CSE1L: variants seen among roughly 807,000 people sequenced by gnomAD.
CSE1L encodes the protein exportin-2.
In CSE1L, 24 loss-of-function variants were observed where a neutral mutation model predicts 120.4. That is an observed-to-expected ratio of 0.20 (90% CI 0.14 to 0.28). The LOEUF (loss-of-function observed/expected upper bound fraction) is 0.28, where lower values mean the gene tolerates loss of function less well. Ranked by LOEUF, CSE1L falls within the 10% of genes least tolerant of loss-of-function variation. The pLI, the probability that CSE1L is intolerant of heterozygous loss-of-function variation, is 1.00. For synonymous variants in CSE1L, 402 were observed against 398.3 expected (o/e 1.01, Z -0.11); for missense variants, 830 against 1,145.2 (o/e 0.72, Z 3.97).
chr20:49,051,479 A>ACAGTCC (rs1175632309), intron 1 of CSE1L, among the ~76,000 whole-genome samples: 1 of 152,066 alleles, frequency 6.6e-6, no homozygotes, highest in Non-Finnish European at 1.5e-5. Flanking sequence ...GGAGGCGGGG[A>ACAGTCC]CTGCGGTGAG....
intron 2 of CSE1L, among the ~76,000 whole-genome samples, chr20:49,062,778 A>G (rs1035200809): frequency 1.3e-4 from 20 of 151,968 alleles, no homozygotes; most frequent in African/African-American, 4.8e-4. Context: ...TAATAATAAT[A>G]TATTAGGATG....
intron 1 of CSE1L, among the ~76,000 whole-genome samples, chr20:49,052,500 G>A (rs568214042): frequency 6.6e-6 from 1 of 152,272 alleles, no homozygotes; most frequent in Admixed American, 6.5e-5. Flanking sequence ...AACTCTTGTG[G>A]CCAGTTTGTA....
chr20:49,059,527 T>G (rs1208235704), intron 2 of CSE1L, among the ~76,000 whole-genome samples: 1 of 152,148 alleles, frequency 6.6e-6, no homozygotes, highest in Non-Finnish European at 1.5e-5. Context: ...CAGTTTTGCT[T>G]GAAAAATAAG....
intron 3 of CSE1L, among the ~76,000 whole-genome samples, chr20:49,065,855 A>G (rs1330787283): frequency 2.0e-5 from 3 of 152,164 alleles, no homozygotes; most frequent in African/African-American, 7.2e-5. Flanking sequence ...TGGCCTCTCA[A>G]AGTGCTGGGA....
At position 49,094,897 on chromosome 20, in the gene CSE1L, G is replaced by A. The variant is rs1222452476; in HGVS notation, c.2760G>A (p.Met920Ile). 6.2e-7 allele frequency: 1 copy of A among 1,614,018 alleles called. No individual in the cohort carries two copies. Among genetic ancestry groups the A allele is most frequent in the African/African-American group, 1.3e-5 (1 of 74,922 alleles). ...GKKEHDPVGQ[M>I]VNNPKIHLAQ... ...AAGAGCATGATCCTGTAGGTCAAATGGTGAATAACCCCAAAATTCACCTGG... is the reference window on the plus strand; with the variant it reads ...AAGAGCATGATCCTGTAGGTCAAATAGTGAATAACCCCAAAATTCACCTGG... The change falls in exon 24 of 25, where the codon ATG (methionine) becomes ATA (isoleucine). Residue 920 changes from methionine (M) to isoleucine (I), a missense_variant. By Grantham distance (10) the Met-to-Ile change is conservative. Transcript: ENST00000262982.
chr20:49,095,206 A>G, intron 24 of CSE1L: 1 of 630,162 alleles, frequency 1.6e-6, no homozygotes, highest in Non-Finnish European at 2.9e-6. Flanking sequence ...AAATCCCTTC[A>G]ATAGAAATGT....
At chr20:49,051,386 T>C (rs2091765235) in intron 1 of CSE1L, among the ~76,000 whole-genome samples, 2 of 63,856 alleles carry the variant, frequency 3.1e-5, no homozygotes, top group African/African-American at 2.2e-4. Context: ...CTTTACTGTA[T>C]ATAAAACTCA....
At chr20:49,061,486 ATTATTTATTTAT>A (rs113315451) in intron 2 of CSE1L, among the ~76,000 whole-genome samples, 59 of 132,904 alleles carry the variant, frequency 4.4e-4, no homozygotes, top group Non-Finnish European at 8.4e-4. Flanking sequence ...AATTATTATT[ATTATTTATTTAT>A]TTATTTATTT....
chr20:49,079,702 C>T (rs539246103), intron 14 of CSE1L, among the ~76,000 whole-genome samples: 4 of 152,140 alleles, frequency 2.6e-5, no homozygotes, highest in South Asian at 2.1e-4. Context: ...TTTGGGCCTG[C>T]GGAATCCTCA....
At chr20:49,063,842 A>G (rs1490728434) in intron 3 of CSE1L, among the ~76,000 whole-genome samples, 1 of 152,250 alleles carries the variant, frequency 6.6e-6, no homozygotes, top group Non-Finnish European at 1.5e-5. Context: ...GCAGAATGCA[A>G]AATAATTTAG....
chr20:49,063,153 G>T, intron 2 of CSE1L, 49 bp from the exon 3 acceptor site: 2 of 1,204,146 alleles, frequency 1.7e-6, no homozygotes, highest in Non-Finnish European at 1.1e-6. Flanking sequence ...ATATATATAA[G>T]GTGGAAAGAT....
Position 49,076,719 on chromosome 20 carries a change from C to T in CSE1L, c.1336-261C>T, listed in dbSNP as rs903531529. ...TAATTTTTTGTGTTTTTAGTAGAGA[C>T]GGGGTTTTGCCATGTTGGCCAGGCT... On this transcript the variant is annotated intron_variant, in intron 12 of 24. Transcript: ENST00000262982. 8.0e-5 allele frequency among the ~76,000 whole-genome samples: 12 copies of T among 149,072 alleles called. 1 individual carries two copies. Among genetic ancestry groups the T allele is most frequent in the African/African-American group, 1.7e-4 (7 of 40,420 alleles).
rs146501060 is a variant in CSE1L, at chr20:49,079,593, T to C, written c.1482+971T>C. ...TTATCTTAGAGACTTTCTCACATTT[T>C]ACTTTTGGCTGATTGCACCTTGAAT... On this transcript the variant is annotated intron_variant, in intron 14 of 24. Transcript: ENST00000262982. Among the ~76,000 whole-genome samples the C allele has an allele frequency of 4.2e-3, 632 of 152,144 alleles. 2 individuals are homozygous for C. The highest frequency in any genetic ancestry group is 5.6e-3 in the Non-Finnish European group (382 of 68,012).
In CSE1L at chr20:49,065,313, A is replaced by AT. The variant is rs376073464; in HGVS notation, c.229-852dup. Among the ~76,000 whole-genome samples, 320 of 52,084 alleles carry AT rather than the reference A, an allele frequency of 6.1e-3. 28 individuals carry two copies. Among genetic ancestry groups the AT allele is most frequent in the Non-Finnish European group, 9.6e-3 (259 of 27,110 alleles). The allele number at this position is 52,084 out of a possible 152,430, so 34.2% of individuals were successfully genotyped here. A position where few individuals can be genotyped will look rare whatever the true frequency, so the allele number is the denominator to read the frequency against. ...AGTTTACATATGAAATGAAAAAAAA[A>AT]TTTTTTTTTTTTTTTTTTTTTTTTT... is the stretch of plus-strand genomic sequence containing the variant. On this transcript the variant is annotated intron_variant, in intron 3 of 24. Transcript: ENST00000262982.
chr20:49,067,011 G>A (rs1008103732), intron 5 of CSE1L, among the ~76,000 whole-genome samples, 179 bp from the exon 6 acceptor site: 19 of 121,636 alleles, frequency 1.6e-4, no homozygotes, highest in Admixed American at 4.9e-4. Flanking sequence ...CAGCCTGGGC[G>A]ACAGAGCGAG....
At chr20:49,063,032 TA>T (rs1193473962) in intron 2 of CSE1L, among the ~76,000 whole-genome samples, 169 bp from the exon 3 acceptor site, 1 of 151,774 alleles carries the variant, frequency 6.6e-6, no homozygotes, top group Non-Finnish European at 1.5e-5. Context: ...TATATAAGTT[TA>T]ATGTAACATA....
chr20:49,073,870 A>G (rs1331247225), intron 10 of CSE1L, among the ~76,000 whole-genome samples: 1 of 152,158 alleles, frequency 6.6e-6, no homozygotes, highest in East Asian at 1.9e-4. Flanking sequence ...TAAGGACAAT[A>G]TAGCGTGAGA....
At chr20:49,092,571 A>C (rs1339360430) in intron 22 of CSE1L, among the ~76,000 whole-genome samples, 1 of 150,996 alleles carries the variant, frequency 6.6e-6, no homozygotes, top group Non-Finnish European at 1.5e-5. Context: ...AAAACACCAC[A>C]TGTTCTCACT....
At chr20:49,068,872 TAG>T (rs757743490) in intron 7 of CSE1L, 50 bp downstream of exon 7, 5 of 1,267,006 alleles carry the variant, frequency 3.9e-6, no homozygotes, top group Middle Eastern at 1.9e-4. Context: ...TGATTTTAAA[TAG>T]AGTTTTCTTT....
Sources: gnomAD v4.1 joint callset for allele counts (sites outside exome capture counted in the v4.1 genomes callset) on GRCh38, gnomAD v4.1.1 for gene constraint, MANE v1.5 for transcripts, NCBI Gene and HGNC (gene_info 2026-07-23, HGNC 2026-07-21) for gene names.